Variants in GUCY1A1 observed in about 807,000 individuals in gnomAD.
GUCY1A1 encodes the protein guanylate cyclase 1 soluble subunit alpha 1, also known as guanylate cyclase soluble subunit alpha-1.
A neutral mutation model predicts 64.5 loss-of-function variants in GUCY1A1; 48 were observed. The observed-to-expected ratio is 0.74, with a 90% CI of 0.59 to 0.95. The LOEUF (loss-of-function observed/expected upper bound fraction) is 0.95. Among genes scored for constraint, GUCY1A1 ranks in the 40% least tolerant of loss-of-function variants. GUCY1A1 has a pLI of 0.00. For synonymous variants in GUCY1A1, 308 were observed against 303.4 expected, an observed-to-expected ratio of 1.02 and a Z score of -0.16; for missense variants, 804 against 825.3, an observed-to-expected ratio of 0.97 and a Z score of 0.32.
In GUCY1A1 at chr4:155,732,265, G is replaced by A. The variant is rs1735639383; in HGVS notation, c.*2034G>A. 6.6e-6 allele frequency: 1 copy of A among 151,840 alleles called. No homozygotes were observed. 9.4% of individuals were successfully genotyped at this position (151,840 alleles called of 1,614,324 possible). A position where few individuals can be genotyped will look rare whatever the true frequency, so the allele number is the denominator to read the frequency against. ...GGAATGTATATAATCTTGGTGAAAA[G>A]TTGTATGGGAGTTTTTTGTACGATT... On this transcript the variant is annotated 3_prime_UTR_variant, in exon 10 of 10. Coordinates refer to ENST00000506455, the MANE Select transcript of GUCY1A1 (RefSeq NM_001130682.3).
At chr4:155,667,578 T>A (rs560174092) in intron 2 of GUCY1A1, 159 bp downstream of exon 2, 5 of 152,034 alleles carry the variant, frequency 3.3e-5, no homozygotes, top group African/African-American at 1.2e-4. Context: ...GTTCCCACGC[T>A]GGGGAGGAGC....
intron 9 of GUCY1A1, among the ~76,000 whole-genome samples, chr4:155,728,317 G>A (rs1346913712): frequency 6.6e-6 from 1 of 151,804 alleles, no homozygotes; most frequent in African/African-American, 2.4e-5. Flanking sequence ...TTCAGGCTAT[G>A]GATGGCTTAA....
At chr4:155,679,791 A>G (rs1007701165) in intron 2 of GUCY1A1, among the ~76,000 whole-genome samples, 3 of 152,212 alleles carry the variant, frequency 2.0e-5, no homozygotes, top group Non-Finnish European at 2.9e-5. Flanking sequence ...TTCTATTTCT[A>G]TATGGATTTC....
intron 4 of GUCY1A1, among the ~76,000 whole-genome samples, chr4:155,705,174 C>T (rs148476332): frequency 2.0e-5 from 3 of 152,330 alleles, no homozygotes; most frequent in African/African-American, 7.2e-5. Flanking sequence ...TACAGGCATG[C>T]GCCACTGCGC....
intron 2 of GUCY1A1, among the ~76,000 whole-genome samples, chr4:155,687,493 A>G (rs1474090126): frequency 6.6e-6 from 1 of 152,194 alleles, no homozygotes; most frequent in Non-Finnish European, 1.5e-5. Context: ...GTGTGAAATA[A>G]CAGAATTCAT....
intron 8 of GUCY1A1, among the ~76,000 whole-genome samples, chr4:155,718,609 G>C (rs553037880): frequency 6.6e-6 from 1 of 152,292 alleles, no homozygotes; most frequent in East Asian, 1.9e-4. Flanking sequence ...CAAGACTGCT[G>C]CTTCACTTAC....
At chr4:155,670,949 G>T (rs1036961696) in intron 2 of GUCY1A1, among the ~76,000 whole-genome samples, 3 of 152,114 alleles carry the variant, frequency 2.0e-5, no homozygotes, top group African/African-American at 7.2e-5. Flanking sequence ...TTTTTTTCTA[G>T]GTCCAGCCTA....
Position 155,734,791 on chromosome 4 carries a change from G to C in GUCY1A1, c.*4560G>C, listed in dbSNP as rs964198632. The C allele has an allele frequency of 6.6e-6, 1 of 151,946 alleles. No homozygotes were observed. The highest frequency in any genetic ancestry group is 1.5e-5 in the Non-Finnish European group (1 of 67,918). The allele number at this position is 151,946 out of a possible 1,614,324, so 9.4% of individuals were successfully genotyped here. On this transcript the variant is annotated 3_prime_UTR_variant, in exon 10 of 10. Transcript: ENST00000506455. The stretch of plus-strand genomic sequence containing the variant: ...CAGTGACTGCTTAACTTATTAAGCA[G>C]AGAAAACCAAAATGTCATTTTCAAC...
intron 9 of GUCY1A1, among the ~76,000 whole-genome samples, chr4:155,724,235 C>T (rs1367161290): frequency 6.6e-6 from 1 of 152,082 alleles, no homozygotes; most frequent in African/African-American, 2.4e-5. Context: ...TGGAAATTAA[C>T]TCTCTATGAT....
chr4:155,691,925 C>A (rs1386754197), intron 2 of GUCY1A1, among the ~76,000 whole-genome samples: 1 of 152,098 alleles, frequency 6.6e-6, no homozygotes, highest in African/African-American at 2.4e-5. Flanking sequence ...AGTTATTTTT[C>A]TTGATCCCCT....
chr4:155,679,387 A>G (rs1204076104), intron 2 of GUCY1A1, among the ~76,000 whole-genome samples: 1 of 152,224 alleles, frequency 6.6e-6, no homozygotes, highest in East Asian at 1.9e-4. Flanking sequence ...AATGTTCTGC[A>G]GGCTGTGCAG....
At chr4:155,688,379 C>T (rs1228988772) in intron 2 of GUCY1A1, among the ~76,000 whole-genome samples, 1 of 152,098 alleles carries the variant, frequency 6.6e-6, no homozygotes, top group Non-Finnish European at 1.5e-5. Context: ...GGCCTTCCTG[C>T]CTGACCAAAA....
chr4:155,733,774 A>G lies in GUCY1A1; in HGVS notation c.*3543A>G, dbSNP rs10003392. ...TAAGAGAAGCATCAAGTCTTAAAGG[A>G]AGAGAATGGTATGATCAGATGTGTG... is the stretch of plus-strand genomic sequence containing the variant. On this transcript the variant is annotated 3_prime_UTR_variant, in exon 10 of 10. Transcript: ENST00000506455. Among the ~76,000 whole-genome samples the G allele has an allele frequency of 0.042, 6,366 of 151,544 alleles. 425 individuals are homozygous for G. Among genetic ancestry groups the G allele is most frequent in the African/African-American group, 0.15 (6,029 of 41,306 alleles).
chr4:155,724,934 A>G (rs1734454894), intron 9 of GUCY1A1, among the ~76,000 whole-genome samples: 1 of 152,060 alleles, frequency 6.6e-6, no homozygotes, highest in South Asian at 2.1e-4. Context: ...CACCCAGGCA[A>G]GCTTACCAAT....
intron 2 of GUCY1A1, among the ~76,000 whole-genome samples, chr4:155,675,355 A>G (rs1462258723): frequency 6.6e-6 from 1 of 151,586 alleles, no homozygotes; most frequent in Non-Finnish European, 1.5e-5. Context: ...TGAAGTATTT[A>G]GAGAGTTACA....
At chr4:155,717,037 C>G in intron 7 of GUCY1A1, 122 bp from the exon 8 acceptor site, 4 of 672,332 alleles carry the variant, frequency 5.9e-6, no homozygotes, top group Non-Finnish European at 9.5e-6. Flanking sequence ...CTGATTAACC[C>G]TGATCCTCCA....
chr4:155,723,367 C>A (rs1410874126), intron 9 of GUCY1A1, among the ~76,000 whole-genome samples: 1 of 152,104 alleles, frequency 6.6e-6, no homozygotes, highest in Non-Finnish European at 1.5e-5. Context: ...TTCACTGTCG[C>A]CTTGACAACA....
chr4:155,709,608 C>T (rs1174117300), intron 5 of GUCY1A1, among the ~76,000 whole-genome samples: 1 of 152,040 alleles, frequency 6.6e-6, no homozygotes, highest in Non-Finnish European at 1.5e-5. Flanking sequence ...CCGAGGTGGG[C>T]AGATCACCTG....
Position 155,735,499 on chromosome 4 carries a change from A to G in GUCY1A1, c.*5268A>G, listed in dbSNP as rs146221984. 5.5e-4 allele frequency: 84 copies of G among 152,102 alleles called. 1 individual carries two copies. Among genetic ancestry groups the G allele is most frequent in the African/African-American group, 1.9e-3 (78 of 41,534 alleles). The allele number at this position is 152,102 out of a possible 1,614,324, so 9.4% of individuals were successfully genotyped here. ...ACTTAATCTCAGATATTCTGGTAGA[A>G]GATATTTAGATAAGGTTGTGGCTGC... On this transcript the variant is annotated 3_prime_UTR_variant, in exon 10 of 10. Coordinates refer to ENST00000506455, the MANE Select transcript of GUCY1A1 (RefSeq NM_001130682.3).
Sources: allele counts gnomAD v4.1 joint callset (sites outside exome capture counted in the v4.1 genomes callset), GRCh38; gene constraint gnomAD v4.1.1; transcripts MANE v1.5; gene names NCBI Gene and HGNC (gene_info 2026-07-23, HGNC 2026-07-21).